Variants in SKI observed in about 807,000 individuals in gnomAD.
SKI encodes SKI proto-oncogene, also known as ski oncogene.
SKI carries 23 observed loss-of-function variants against 59.3 expected under a neutral mutation model. The ratio of observed to expected loss-of-function variants is 0.39; its 90% CI spans 0.28 to 0.55. SKI has a LOEUF of 0.55. Ranked by LOEUF, SKI falls within the 20% of genes least tolerant of loss-of-function variation. The pLI is 0.67. For synonymous variants in SKI, 673 were observed against 488.6 expected (o/e 1.38, Z -4.98); for missense variants, 1,017 against 1,038.9 (o/e 0.98, Z 0.29).
intron 1 of SKI, among the ~76,000 whole-genome samples, chr1:2,278,532 A>G (rs1364152794): frequency 6.6e-6 from 1 of 152,194 alleles, no homozygotes; most frequent in Admixed American, 6.5e-5. Context: ...GCCTCAGCGC[A>G]GCAGGCCTGT....
chr1:2,279,168 G>A (rs147544642), intron 1 of SKI, among the ~76,000 whole-genome samples: 3 of 152,344 alleles, frequency 2.0e-5, no homozygotes, highest in East Asian at 1.9e-4. Flanking sequence ...CTCTCAGGGC[G>A]CAGTCAGTTC....
rs556897949 is a variant in SKI at position 2,235,922 on chromosome 1, C to T, written c.969+6187C>T. On this transcript the variant is annotated intron_variant, in intron 1 of 6. Transcript: ENST00000378536. ...AGTGCTTATTCCTTTGAGTAATGCTCCTGTCTTTTGTTTGGGGGGAAACAG... is the reference window on the plus strand; with the variant it reads ...AGTGCTTATTCCTTTGAGTAATGCTTCTGTCTTTTGTTTGGGGGGAAACAG... Among the ~76,000 whole-genome samples, 16 of 152,268 alleles carry T rather than the reference C, an allele frequency of 1.1e-4. No homozygotes were observed. The East Asian group carries it at 2.7e-3, about 26-fold the overall frequency.
At chr1:2,234,831 A>G (rs1017026908) in intron 1 of SKI, among the ~76,000 whole-genome samples, 1 of 152,204 alleles carries the variant, frequency 6.6e-6, no homozygotes, top group African/African-American at 2.4e-5. Context: ...TTTCCCTAAT[A>G]TCTGGGAGAG....
intron 1 of SKI, chr1:2,240,879 A>C: frequency 2.3e-6 from 2 of 857,888 alleles, no homozygotes; most frequent in Non-Finnish European, 2.8e-6. Context: ...ACTGCTGGGG[A>C]AGTGGCCCTG....
intron 1 of SKI, among the ~76,000 whole-genome samples, chr1:2,265,511 C>G (rs1404303423): frequency 6.6e-6 from 1 of 152,212 alleles, no homozygotes. Context: ...GTGGAATACA[C>G]TGTAATAACA....
rs1295473478 is a variant in SKI, at chr1:2,229,690, G to A, written c.924G>A (p.Lys308=). ...ARLGRCLDDV[K]EKFDYGNKYK... is the part of the protein sequence containing the mutation. ...TCGGCCGCTGCCTGGACGACGTGAA[G>A]GAGAAATTCGACTATGGCAACAAGT... is the stretch of plus-strand genomic sequence containing the variant. The change falls in exon 1 of 7, where the codon AAG becomes AAA. Residue 308 remains lysine, a synonymous_variant. Transcript: ENST00000378536. This position sits in a 1 kb window ranked among gnomAD's most constrained non-coding sequence, Gnocchi z 6.3. 5 of 1,598,746 alleles carry A rather than the reference G, an allele frequency of 3.1e-6. No individual in the cohort carries two copies. The African/African-American group carries it at 4.0e-5, about 13-fold the overall frequency.
intron 1 of SKI, among the ~76,000 whole-genome samples, chr1:2,275,731 C>T (rs1019420421): frequency 6.6e-5 from 10 of 152,346 alleles, no homozygotes; most frequent in Non-Finnish European, 1.3e-4. Flanking sequence ...CCAGGATGCT[C>T]TCGATCTCCT....
At chr1:2,296,159 G>A (rs1298592126) in intron 1 of SKI, among the ~76,000 whole-genome samples, 1 of 151,644 alleles carries the variant, frequency 6.6e-6, no homozygotes, top group African/African-American at 2.4e-5. Context: ...TGGGCAGATT[G>A]CATGAGTTCA....
At chr1:2,302,828 G>T in intron 1 of SKI, 150 bp from the exon 2 acceptor site, 6 of 1,045,864 alleles carry the variant, frequency 5.7e-6, no homozygotes. Flanking sequence ...GTCTCCTGGG[G>T]GGTGCCCTGG....
Position 2,303,011 on chromosome 1 carries a change from A to C in SKI, c.1003A>C (p.Lys335Gln). 1.9e-6 allele frequency: 3 copies of C among 1,613,730 alleles called. No individual in the cohort carries two copies. Among genetic ancestry groups the C allele is most frequent in the South Asian group, 2.2e-5 (2 of 91,090 alleles). ...SSEPPASIRP[K>Q]TDDTSSQSPA... ...TGAGCCTCCGGCCTCCATAAGACCC[A>C]AAACAGATGACACCTCTTCCCAGTC... The change falls in exon 2 of 7, where the codon AAA becomes CAA. Residue 335 changes from lysine to glutamine, a missense_variant. Coordinates refer to ENST00000378536, the MANE Select transcript of SKI (RefSeq NM_003036.4). This position sits in a 1 kb window ranked among gnomAD's most constrained non-coding sequence, Gnocchi z 5.6.
intron 1 of SKI, among the ~76,000 whole-genome samples, chr1:2,290,020 CTGTT>C (rs1284369899): frequency 2.0e-5 from 3 of 152,302 alleles, no homozygotes; most frequent in Non-Finnish European, 4.4e-5. Flanking sequence ...CTTAGGATGG[CTGTT>C]TGTGCCCTAG....
At chr1:2,299,135 C>A (rs1034084241) in intron 1 of SKI, among the ~76,000 whole-genome samples, 1 of 152,244 alleles carries the variant, frequency 6.6e-6, no homozygotes. Context: ...CCGTCAGCGC[C>A]GAGTGGCCAG....
intron 1 of SKI, among the ~76,000 whole-genome samples, chr1:2,296,862 C>A (rs1474844469): frequency 6.6e-6 from 1 of 152,194 alleles, no homozygotes; most frequent in Non-Finnish European, 1.5e-5. Context: ...CGTGCGCTCG[C>A]AGCCTCGGCT....
At chr1:2,296,095 A>G (rs1378619356) in intron 1 of SKI, among the ~76,000 whole-genome samples, 1 of 152,064 alleles carries the variant, frequency 6.6e-6, no homozygotes, top group Non-Finnish European at 1.5e-5. Flanking sequence ...CCAAACTAAA[A>G]AATTCTAGGC....
In SKI at chr1:2,291,226, C is replaced by T. The variant is rs1052608391; in HGVS notation, c.970-11752C>T. ...CTTCAGTAGCATCGGAGGAAAAGAA[C>T]GATACATTCGCCCCAGTGTGTCCCC... On this transcript the variant is annotated intron_variant, in intron 1 of 6. Transcript: ENST00000378536. Among the ~76,000 whole-genome samples, 5 of 152,354 alleles carry T rather than the reference C, an allele frequency of 3.3e-5. No individual in the cohort carries two copies. In the South Asian group the frequency reaches 1.0e-3, roughly 32 times the overall value.
intron 1 of SKI, among the ~76,000 whole-genome samples, chr1:2,280,432 C>G (rs1042359004): frequency 6.6e-6 from 1 of 152,000 alleles, no homozygotes. Context: ...CCCCTTCTAC[C>G]CTCGTTGGGG....
Position 2,309,918 on chromosome 1 carries a change from A to C in SKI, c.*3153A>C, listed in dbSNP as rs1342497582. 1 of 61,012 alleles carries C rather than the reference A, an allele frequency of 1.6e-5. No individual in the cohort carries two copies. The highest frequency in any genetic ancestry group is 3.2e-5 in the Non-Finnish European group (1 of 30,832). The allele number at this position is 61,012 out of a possible 1,614,324, so 3.8% of individuals were successfully genotyped here. A position where few individuals can be genotyped will look rare whatever the true frequency, so the allele number is the denominator to read the frequency against. ...CAGGGAGATGTTCGTTCTCGCTTTA[A>C]GTCAGGAGTCACAAATGACTTTTTT... On this transcript the variant is annotated 3_prime_UTR_variant, in exon 7 of 7. Transcript: ENST00000378536.
chr1:2,307,360 C>T lies in SKI; in HGVS notation c.*595C>T, dbSNP rs1640619832. The T allele has an allele frequency of 6.6e-6, 1 of 152,448 alleles. No homozygotes were observed. The highest frequency in any genetic ancestry group is 2.4e-5 in the African/African-American group (1 of 41,452). The allele number at this position is 152,448 out of a possible 1,614,324, so 9.4% of individuals were successfully genotyped here. A position where few individuals can be genotyped will look rare whatever the true frequency, so the allele number is the denominator to read the frequency against. ...GTGCGAGATGAGCTCGAACACTGCC[C>T]GCCTTACTGCCGCCTACCCCGCCCG... On this transcript the variant is annotated 3_prime_UTR_variant, in exon 7 of 7. Coordinates refer to ENST00000378536, the MANE Select transcript of SKI (RefSeq NM_003036.4).
chr1:2,293,868 G>A (rs1640224836), intron 1 of SKI, among the ~76,000 whole-genome samples: 2 of 152,350 alleles, frequency 1.3e-5, no homozygotes, highest in South Asian at 4.1e-4. Flanking sequence ...CCCGGAATCT[G>A]TCGTGGGTTC....
Sources: gnomAD v4.1 joint callset for allele counts (sites outside exome capture counted in the v4.1 genomes callset) on GRCh38, gnomAD v4.1.1 for gene constraint, Gnocchi (gnomAD v3.1) non-coding constraint, MANE v1.5 for transcripts, NCBI Gene and HGNC (gene_info 2026-07-23, HGNC 2026-07-21) for gene names.